CABLES1: variants seen among roughly 807,000 people sequenced by gnomAD.
The protein encoded by CABLES1 is CDK5 and ABL1 enzyme substrate 1.
A neutral mutation model predicts 57.8 loss-of-function variants in CABLES1; 36 were observed. The observed-to-expected ratio is 0.62, with a 90% CI of 0.48 to 0.82. The LOEUF is 0.82. CABLES1 is among the 40% of genes least tolerant of loss of function. The probability of loss-of-function intolerance (pLI) is 0.00; values close to 1 mark genes in which losing one functional copy is unlikely to be tolerated. For missense variants in CABLES1, 767 were observed against 836.6 expected (o/e 0.92, Z 1.03); for synonymous variants, 374 against 363.0 (o/e 1.03, Z -0.35).
At chr18:23,213,548 T>C (rs1214032582) in intron 3 of CABLES1, among the ~76,000 whole-genome samples, 1 of 152,222 alleles carries the variant, frequency 6.6e-6, no homozygotes, top group Non-Finnish European at 1.5e-5. Flanking sequence ...CCTCTGAGTG[T>C]CTTTCCTGCT....
At chr18:23,181,421 G>A (rs573341001) in intron 1 of CABLES1, among the ~76,000 whole-genome samples, 10 of 146,178 alleles carry the variant, frequency 6.8e-5, no homozygotes, top group African/African-American at 2.5e-4. Context: ...GCTTGAACCC[G>A]GGAGGTAGAG....
At chr18:23,157,775 G>A (rs2046975402) in intron 1 of CABLES1, among the ~76,000 whole-genome samples, 1 of 152,068 alleles carries the variant, frequency 6.6e-6, no homozygotes, top group African/African-American at 2.4e-5. Flanking sequence ...AGCTGAGGTG[G>A]GAGGATCACT....
chr18:23,155,874 TG>T, intron 1 of CABLES1: 1 of 1,613,416 alleles, frequency 6.2e-7, no homozygotes, highest in Non-Finnish European at 8.5e-7. Context: ...GAGTTTGGAG[TG>T]GTCTGAAGCC....
intron 7 of CABLES1, among the ~76,000 whole-genome samples, chr18:23,239,616 T>C (rs1286292165): frequency 6.6e-6 from 1 of 152,172 alleles, no homozygotes; most frequent in Non-Finnish European, 1.5e-5. Context: ...TTGCTTTATT[T>C]TTGTGTGTTG....
At chr18:23,207,978 C>G (rs965044943) in intron 3 of CABLES1, among the ~76,000 whole-genome samples, 16 of 152,152 alleles carry the variant, frequency 1.1e-4, no homozygotes, top group African/African-American at 3.9e-4. Context: ...TAACTCATGC[C>G]CCCCAGTTCC....
intron 4 of CABLES1, among the ~76,000 whole-genome samples, chr18:23,226,351 A>T (rs1204391898): frequency 3.3e-5 from 5 of 151,730 alleles, no homozygotes; most frequent in Non-Finnish European, 7.4e-5. Context: ...GCAGTGAGCC[A>T]AGATCGTGCC....
chr18:23,219,215 G>A (rs1390813769), intron 4 of CABLES1: 1 of 454,148 alleles, frequency 2.2e-6, no homozygotes, highest in Admixed American at 2.3e-5. Flanking sequence ...GTCTCTCTGT[G>A]TGTGGAGCCT....
intron 4 of CABLES1, among the ~76,000 whole-genome samples, chr18:23,232,777 A>C (rs1306992404): frequency 6.6e-6 from 1 of 152,154 alleles, no homozygotes; most frequent in Non-Finnish European, 1.5e-5. Flanking sequence ...CATTTCTGTT[A>C]ATTAGACTCC....
At chr18:23,180,776 C>T (rs1485154028) in intron 1 of CABLES1, among the ~76,000 whole-genome samples, 5 of 152,152 alleles carry the variant, frequency 3.3e-5, no homozygotes, top group African/African-American at 1.2e-4. Context: ...TTGTACCCTA[C>T]TTTTTAGGAC....
intron 2 of CABLES1, 48 bp from the exon 3 acceptor site, chr18:23,194,400 T>A (rs758311320): frequency 1.7e-6 from 2 of 1,205,158 alleles, no homozygotes; most frequent in Non-Finnish European, 2.5e-6. Flanking sequence ...ACGTCTCAGC[T>A]GTCCAGCAGG....
rs193130477 is a variant in CABLES1 at position 23,237,627 on chromosome 18, G to A, written c.1446+382G>A. 5.3e-3 allele frequency among the ~76,000 whole-genome samples: 806 copies of A among 152,378 alleles called. 3 individuals carry two copies. The highest frequency in any genetic ancestry group is 0.018 in the African/African-American group (764 of 41,590). The stretch of plus-strand genomic sequence containing the variant: ...AGTTCCTTGGTGGCTGCAGGCCTTC[G>A]TGTGCATGCTGAGCAAACATTTGGC... On this transcript the variant is annotated intron_variant, in intron 7 of 9. Coordinates refer to ENST00000256925, the MANE Select transcript of CABLES1 (RefSeq NM_001100619.3).
chr18:23,152,010 T>G (rs1159784270), intron 1 of CABLES1, among the ~76,000 whole-genome samples: 1 of 152,114 alleles, frequency 6.6e-6, no homozygotes, highest in Non-Finnish European at 1.5e-5. Context: ...GTGGAAGGCA[T>G]TGAGGAGACT....
intron 1 of CABLES1, among the ~76,000 whole-genome samples, chr18:23,170,665 A>T (rs2047075809): frequency 6.6e-6 from 1 of 152,122 alleles, no homozygotes; most frequent in Non-Finnish European, 1.5e-5. Flanking sequence ...CCTCAGAATG[A>T]GCTTTTCACC....
intron 1 of CABLES1, among the ~76,000 whole-genome samples, chr18:23,174,821 CATATATATATATAT>C (rs569579022): frequency 0.018 from 1,657 of 94,566 alleles, 49 homozygotes; most frequent in Middle Eastern, 0.053. Context: ...CATGTTACAC[CATATATATATATAT>C]ATATATATAT....
chr18:23,192,185 G>T (rs2047248959), intron 2 of CABLES1, among the ~76,000 whole-genome samples: 1 of 152,162 alleles, frequency 6.6e-6, no homozygotes, highest in Non-Finnish European at 1.5e-5. Context: ...GTGGTTACCT[G>T]GTGTCCAAAA....
chr18:23,240,171 C>A (rs1241856970), intron 7 of CABLES1, among the ~76,000 whole-genome samples: 1 of 152,052 alleles, frequency 6.6e-6, no homozygotes, highest in Non-Finnish European at 1.5e-5. Context: ...TGGACGTGGG[C>A]CCCAGGGGGT....
At chr18:23,207,714 G>A (rs1044386983) in intron 3 of CABLES1, among the ~76,000 whole-genome samples, 5 of 146,890 alleles carry the variant, frequency 3.4e-5, no homozygotes, top group Non-Finnish European at 7.4e-5. Flanking sequence ...AGGGAGGAGA[G>A]GAAGATTATG....
chr18:23,164,657 C>CTT (rs11400807), intron 1 of CABLES1, among the ~76,000 whole-genome samples: 3 of 144,406 alleles, frequency 2.1e-5, no homozygotes, highest in African/African-American at 7.7e-5. Context: ...CACACTAAAG[C>CTT]TTTTTTTTTT....
chr18:23,139,482 G>A (rs1278071225), intron 1 of CABLES1, among the ~76,000 whole-genome samples: 4 of 151,454 alleles, frequency 2.6e-5, no homozygotes, highest in Non-Finnish European at 5.9e-5. Flanking sequence ...ACTTTCATTG[G>A]AACACTTGTA....
Sources: allele counts gnomAD v4.1 joint callset (sites outside exome capture counted in the v4.1 genomes callset), GRCh38; gene constraint gnomAD v4.1.1; transcripts MANE v1.5; gene names NCBI Gene and HGNC (gene_info 2026-07-23, HGNC 2026-07-21).